PTPN7: variants seen among roughly 807,000 people sequenced by gnomAD.
The protein encoded by PTPN7 is protein tyrosine phosphatase non-receptor type 7.
Under a neutral mutation model 50.3 loss-of-function variants are expected in PTPN7, and 33 were observed. That is an observed-to-expected ratio of 0.66 (90% CI 0.50 to 0.88). The LOEUF (loss-of-function observed/expected upper bound fraction) is 0.88. Ranked by LOEUF, PTPN7 falls within the 40% of genes least tolerant of loss-of-function variation. The probability of loss-of-function intolerance (pLI) is 0.00; values close to 1 mark genes in which losing one functional copy is unlikely to be tolerated. For missense variants in PTPN7, 412 were observed against 475.4 expected (o/e 0.87, Z 1.24); for synonymous variants, 185 against 186.6 (o/e 0.99, Z 0.07).
At chr1:202,153,627 G>A (rs1372323540) in intron 7 of PTPN7, 98 bp downstream of exon 7, 3 of 963,788 alleles carry the variant, frequency 3.1e-6, no homozygotes, top group Non-Finnish European at 4.9e-6. Context: ...TGGTTTAGAA[G>A]AGCAAACCCT....
Position 202,148,326 on chromosome 1 carries a change from C to G in PTPN7, c.*280G>C, listed in dbSNP as rs1266703085. ...CTTCTTTCTTTGTCTGTCATAAATG[C>G]CAGCTCCTGTCTTTAAGTTCAGAGA... On this transcript the variant is annotated 3_prime_UTR_variant, in exon 10 of 10. Transcript: ENST00000691036. 2.6e-5 allele frequency: 9 copies of G among 349,222 alleles called. No homozygotes were observed. Among genetic ancestry groups the G allele is most frequent in the Non-Finnish European group, 4.2e-5 (8 of 192,160 alleles). 21.6% of individuals were successfully genotyped at this position (349,222 alleles called of 1,614,324 possible). A position where few individuals can be genotyped will look rare whatever the true frequency, so the allele number is the denominator to read the frequency against.
At chr1:202,155,417 G>A (rs958464712) in intron 5 of PTPN7, 116 bp downstream of exon 5, 115 of 1,021,466 alleles carry the variant, frequency 1.1e-4, no homozygotes, top group Non-Finnish European at 9.1e-5. Flanking sequence ...GCAGTGAGCT[G>A]GAGCAGGGAG....
Position 202,155,474 on chromosome 1 carries a change from T to A in PTPN7, c.468+59A>T. 3.4e-6 allele frequency: 5 copies of A among 1,475,610 alleles called. No individual in the cohort carries two copies. The South Asian group carries it at 5.8e-5, about 17-fold the overall frequency. 91.4% of individuals were successfully genotyped at this position (1,475,610 alleles called of 1,614,324 possible). On this transcript the variant is annotated intron_variant, in intron 5 of 9. Coordinates refer to ENST00000691036, the MANE Select transcript of PTPN7 (RefSeq NM_002832.4). ...ATCCACCAGCCATGGCTGGAAGATA[T>A]TCTCAGACGTCTGAGAATTCCCCCA...
In PTPN7 at chr1:202,159,935, G is replaced by C; in HGVS notation, c.-52-481C>G. 9.9e-7 allele frequency: 1 copy of C among 1,007,096 alleles called. No individual in the cohort carries two copies. Among genetic ancestry groups the C allele is most frequent in the Non-Finnish European group, 1.2e-6 (1 of 843,852 alleles). 62.4% of individuals were successfully genotyped at this position (1,007,096 alleles called of 1,614,324 possible). A position where few individuals can be genotyped will look rare whatever the true frequency, so the allele number is the denominator to read the frequency against. On this transcript the variant is annotated intron_variant, in intron 1 of 9. Coordinates refer to ENST00000691036, the MANE Select transcript of PTPN7 (RefSeq NM_002832.4). This position sits in a 1 kb window ranked among gnomAD's most constrained non-coding sequence, Gnocchi z 4.6. ...GGGCAGCCAGGCAGGCGGGCTCCTGGACCCCAGCAGGGTCCTCTCCTAACT... is the reference window on the plus strand; with the variant it reads ...GGGCAGCCAGGCAGGCGGGCTCCTGCACCCCAGCAGGGTCCTCTCCTAACT...
In PTPN7 at chr1:202,159,808, C is replaced by T. The variant is rs1030249358; in HGVS notation, c.-52-354G>A. On this transcript the variant is annotated intron_variant, in intron 1 of 9. Coordinates refer to ENST00000691036, the MANE Select transcript of PTPN7 (RefSeq NM_002832.4). This position sits in a 1 kb window ranked among gnomAD's most constrained non-coding sequence, Gnocchi z 4.6. The stretch of plus-strand genomic sequence containing the variant: ...GGAGGAAACAGAAAATATGTGTTCT[C>T]TAGGACGGAAGGGAGAAAGCACGCA... The T allele has an allele frequency of 6.9e-6, 8 of 1,167,308 alleles. No individual in the cohort carries two copies. In the Admixed American group the frequency reaches 1.3e-4, roughly 18 times the overall value. 72.3% of individuals were successfully genotyped at this position (1,167,308 alleles called of 1,614,324 possible).
At chr1:202,160,717 A>C, upstream of PTPN7, 1 of 1,550,278 alleles carries the variant, frequency 6.5e-7, no homozygotes, top group South Asian at 1.2e-5. This position sits in a 1 kb window ranked among gnomAD's most constrained non-coding sequence, Gnocchi z 4.8. Flanking sequence ...TGCCGCTGCC[A>C]CCAGGGGTCG....
At position 202,147,910 on chromosome 1, in the gene PTPN7, C is replaced by G. The variant is rs1173704348; in HGVS notation, c.*696G>C. On this transcript the variant is annotated 3_prime_UTR_variant, in exon 10 of 10. Coordinates refer to ENST00000691036, the MANE Select transcript of PTPN7 (RefSeq NM_002832.4). ...ATGTTCCCTCTTCCAGAGATTTCAA[C>G]TGCCAGGCCTGGTCACCTCTGTAGC... 6.6e-6 allele frequency: 1 copy of G among 152,256 alleles called. No homozygotes were observed. Among genetic ancestry groups the G allele is most frequent in the Non-Finnish European group, 1.5e-5 (1 of 68,082 alleles). The allele number at this position is 152,256 out of a possible 1,614,324, so 9.4% of individuals were successfully genotyped here. A position where few individuals can be genotyped will look rare whatever the true frequency, so the allele number is the denominator to read the frequency against.
Position 202,158,174 on chromosome 1 carries a change from G to A in PTPN7, c.250C>T (p.Arg84Cys), listed in dbSNP as rs369599628. 3.2e-5 allele frequency: 51 copies of A among 1,611,760 alleles called. No individual in the cohort carries two copies. Among genetic ancestry groups the A allele is most frequent in the Non-Finnish European group, 4.0e-5 (47 of 1,179,186 alleles). The change falls in exon 3 of 10, where the codon CGC (arginine) becomes TGC (cysteine). Residue 84 changes from arginine (R) to cysteine (C), a missense_variant. By Grantham distance (180) the Arg-to-Cys change is radical. Coordinates refer to ENST00000691036, the MANE Select transcript of PTPN7 (RefSeq NM_002832.4). ...GGTGGCTGGCGCTGAAGGGCCCAGCGGGTAAGGGGGTGTCCAGCAGTGCGC... is the reference window on the plus strand; with the variant it reads ...GGTGGCTGGCGCTGAAGGGCCCAGCAGGTAAGGGGGTGTCCAGCAGTGCGC... ...FLRTAGHPLT[R>C]WALQRQPPSP...
chr1:202,158,169 C>T lies in PTPN7; in HGVS notation c.255G>A (p.Trp85Ter). Residue 85 changes from tryptophan (W) to a stop codon, truncating the protein, a stop_gained, in exon 3 of 10, where the codon TGG becomes TGA. Coordinates refer to ENST00000691036, the MANE Select transcript of PTPN7 (RefSeq NM_002832.4). LOFTEE classifies it high-confidence loss of function. ...LRTAGHPLTR[W>*]ALQRQPPSPK... The stretch of plus-strand genomic sequence containing the variant: ...GGCTGGGTGGCTGGCGCTGAAGGGC[C>T]CAGCGGGTAAGGGGGTGTCCAGCAG... 1 of 1,610,572 alleles carries T rather than the reference C, an allele frequency of 6.2e-7. No homozygotes were observed. The highest frequency in any genetic ancestry group is 8.5e-7 in the Non-Finnish European group (1 of 1,178,754).
At chr1:202,154,160 T>A (rs751457928) in intron 6 of PTPN7, 26 bp downstream of exon 6, 18 of 1,613,384 alleles carry the variant, frequency 1.1e-5, no homozygotes, top group Non-Finnish European at 1.5e-5. Flanking sequence ...TCTGGGTTCA[T>A]CATGAACTGT....
At chr1:202,155,101 C>T (rs1656504926) in intron 5 of PTPN7, among the ~76,000 whole-genome samples, 2 of 152,160 alleles carry the variant, frequency 1.3e-5, no homozygotes, top group African/African-American at 4.8e-5. Context: ...TATAGCTTGA[C>T]GTCAATCAAC....
chr1:202,159,521 C>A lies in PTPN7; in HGVS notation c.-52-67G>T. ...GATTGGCCAGAAGGAGGCTCCCATG[C>A]CAGGCCAGGTTTGCACTCTGTTTTC... On this transcript the variant is annotated intron_variant, in intron 1 of 9. Coordinates refer to ENST00000691036, the MANE Select transcript of PTPN7 (RefSeq NM_002832.4). This position sits in a 1 kb window ranked among gnomAD's most constrained non-coding sequence, Gnocchi z 4.6. The A allele has an allele frequency of 6.4e-7, 1 of 1,562,950 alleles. No homozygotes were observed. The highest frequency in any genetic ancestry group is 8.7e-7 in the Non-Finnish European group (1 of 1,152,676).
rs1282519046 is a variant in PTPN7 at position 202,159,386 on chromosome 1, C to G, written c.17G>C (p.Gly6Ala). The G allele has an allele frequency of 6.2e-7, 1 of 1,614,226 alleles. No homozygotes were observed. Among genetic ancestry groups the G allele is most frequent in the South Asian group, 1.1e-5 (1 of 91,090 alleles). Residue 6 changes from glycine to alanine, a missense_variant, in exon 2 of 10, where the codon GGG becomes GCG. Gly to Ala is a moderately conservative substitution (Grantham distance 60, BLOSUM62 0). Coordinates refer to ENST00000691036, the MANE Select transcript of PTPN7 (RefSeq NM_002832.4). The surrounding 1 kb of genome is among the most constrained non-coding windows in gnomAD (Gnocchi z 4.6). MVQAH[G>A]GRSRAQPLTL... is the part of the protein sequence containing the mutation. ...CAACGGCTGTGCTCTGGAGCGCCCC[C>G]CATGGGCTTGGACCATGCTGAGGTG...
chr1:202,159,639 TC>T lies in PTPN7; in HGVS notation c.-52-186del. 6.8e-7 allele frequency: 1 copy of T among 1,460,880 alleles called. No individual in the cohort carries two copies. The highest frequency in any genetic ancestry group is 2.3e-5 in the East Asian group (1 of 43,172). The allele number at this position is 1,460,880 out of a possible 1,614,324, so 90.5% of individuals were successfully genotyped here. A position where few individuals can be genotyped will look rare whatever the true frequency, so the allele number is the denominator to read the frequency against. On this transcript the variant is annotated intron_variant, in intron 1 of 9. Transcript: ENST00000691036. This position sits in a 1 kb window ranked among gnomAD's most constrained non-coding sequence, Gnocchi z 4.6. ...GTGGGACCCAGGGCAGAAGGCAGTCTCGGGGTAGAGTAACGGCAAGATAAAG... is the reference window on the plus strand; with the variant it reads ...GTGGGACCCAGGGCAGAAGGCAGTCTGGGGTAGAGTAACGGCAAGATAAAG...
At chr1:202,155,647 G>T in intron 4 of PTPN7, 38 bp from the exon 5 acceptor site, 1 of 1,498,010 alleles carries the variant, frequency 6.7e-7, no homozygotes, top group Non-Finnish European at 9.3e-7. Context: ...GAGGTCAGAA[G>T]GTGACCAACT....
At chr1:202,155,269 G>C (rs1245675273) in intron 5 of PTPN7, among the ~76,000 whole-genome samples, 1 of 152,208 alleles carries the variant, frequency 6.6e-6, no homozygotes, top group East Asian at 1.9e-4. Context: ...TAAGTTTAGA[G>C]GGTGGCATGG....
intron 2 of PTPN7, chr1:202,158,714 G>C (rs1460593010): frequency 5.9e-6 from 1 of 168,342 alleles, no homozygotes; most frequent in Non-Finnish European, 1.3e-5. Flanking sequence ...ACCTCTGAGG[G>C]GGCCGCTCTT....
Position 202,152,705 on chromosome 1 carries a change from T to A in PTPN7, c.718-6A>T. The A allele has an allele frequency of 6.2e-7, 1 of 1,613,856 alleles. No homozygotes were observed. Among genetic ancestry groups the A allele is most frequent in the Non-Finnish European group, 8.5e-7 (1 of 1,179,886 alleles). On this transcript the variant is annotated splice_region_variant and splice_polypyrimidine_tract_variant and intron_variant, in intron 7 of 9. Transcript: ENST00000691036. Reference sequence around the variant, plus strand: ...GACCGGCGCTCTTCCTGGTACTGGATTGGAGACAAGGCATGAGAACCAAGG... The same window carrying A: ...GACCGGCGCTCTTCCTGGTACTGGAATGGAGACAAGGCATGAGAACCAAGG...
At position 202,159,306 on chromosome 1, in the gene PTPN7, T is replaced by C; in HGVS notation, c.97A>G (p.Lys33Glu). 1.2e-6 allele frequency: 2 copies of C among 1,614,184 alleles called. No homozygotes were observed. The highest frequency in any genetic ancestry group is 1.7e-6 in the Non-Finnish European group (2 of 1,180,022). Residue 33 changes from lysine (K) to glutamate (E), a missense_variant, in exon 2 of 10, where the codon AAG (lysine) becomes GAG (glutamate). Lys to Glu is a moderately conservative substitution (Grantham distance 56). Coordinates refer to ENST00000691036, the MANE Select transcript of PTPN7 (RefSeq NM_002832.4). The surrounding 1 kb of genome is among the most constrained non-coding windows in gnomAD (Gnocchi z 4.6). ...CTCTCCTGCAGTCGCACATGCTTCT[T>C]GGCTGGCGTTTTTTCAGGCGGAGGC... is the stretch of plus-strand genomic sequence containing the variant. ...TQPPPEKTPA[K>E]KHVRLQERRG...
Sources: gnomAD v4.1 joint callset for allele counts (sites outside exome capture counted in the v4.1 genomes callset) on GRCh38, gnomAD v4.1.1 for gene constraint, Gnocchi (gnomAD v3.1) non-coding constraint, MANE v1.5 for transcripts, NCBI Gene and HGNC (gene_info 2026-07-23, HGNC 2026-07-21) for gene names.